BCR: variants seen among roughly 807,000 people sequenced by gnomAD.
BCR encodes the protein breakpoint cluster region protein.
In BCR, 58 loss-of-function variants were observed where a neutral mutation model predicts 138.6. The observed-to-expected ratio is 0.42, with a 90% confidence interval of 0.34 to 0.52. BCR has a LOEUF of 0.52. Ranked by LOEUF, BCR falls within the 20% of genes least tolerant of loss-of-function variation. BCR has a pLI of 0.06. For synonymous variants in BCR, 786 were observed against 730.1 expected (o/e 1.08, Z -1.23); for missense variants, 1,599 against 1,727.2 (o/e 0.93, Z 1.32).
At chr22:23,219,644 T>C (rs1161065408) in intron 1 of BCR, among the ~76,000 whole-genome samples, 1 of 152,152 alleles carries the variant, frequency 6.6e-6, no homozygotes, top group East Asian at 1.9e-4. Flanking sequence ...GCACTGGCGG[T>C]GCGGGAGCAC....
chr22:23,305,979 C>T (rs1294516072), intron 16 of BCR, among the ~76,000 whole-genome samples: 13 of 152,230 alleles, frequency 8.5e-5, no homozygotes, highest in African/African-American at 1.7e-4. Context: ...AATAACTGCA[C>T]GAGAGAGCGT....
intron 2 of BCR, among the ~76,000 whole-genome samples, chr22:23,255,647 C>T (rs1045882248): frequency 1.1e-4 from 17 of 152,230 alleles, no homozygotes; most frequent in Admixed American, 1.0e-3. Context: ...CTGATCTGCC[C>T]ACTCAGTGCC....
chr22:23,308,684 G>A (rs2073974634), intron 16 of BCR, among the ~76,000 whole-genome samples: 1 of 152,212 alleles, frequency 6.6e-6, no homozygotes, highest in Non-Finnish European at 1.5e-5. Flanking sequence ...AGGAACCGCT[G>A]ACATAGAACG....
rs778483170 is a variant in BCR at position 23,181,158 on chromosome 22, AAAG to A, written c.203_205del (p.Lys68del). ...ACCTGCAGACGTTGCTGGCCAAGGA[AAAG>A]AAGAGCTATGACCGGCAGCGATGGG... On this transcript the variant is annotated inframe_deletion, in exon 1 of 23. Transcript: ENST00000305877. 1.2e-5 allele frequency: 18 copies of A among 1,446,834 alleles called. No individual in the cohort carries two copies. In the African/African-American group the frequency reaches 1.6e-4, roughly 13 times the overall value. The allele number at this position is 1,446,834 out of a possible 1,614,324, so 89.6% of individuals were successfully genotyped here. A position where few individuals can be genotyped will look rare whatever the true frequency, so the allele number is the denominator to read the frequency against.
rs1223639727 is a variant in BCR, at chr22:23,197,242, C to CAATAA, written c.1279+15007_1279+15008insAAATA. 5.9e-5 allele frequency among the ~76,000 whole-genome samples: 9 copies of CAATAA among 152,270 alleles called. No individual in the cohort carries two copies. The East Asian group carries it at 1.7e-3, about 29-fold the overall frequency. Reference sequence around the variant, plus strand: ...GCTGCACAGGTTTGTAGCCTAGGAGCAATAGGCTGTGCCACGTAGCCTAGG... The same window carrying CAATAA: ...GCTGCACAGGTTTGTAGCCTAGGAGCAATAAAATAGGCTGTGCCACGTAGCCTAGG... On this transcript the variant is annotated intron_variant, in intron 1 of 22. Coordinates refer to ENST00000305877, the MANE Select transcript of BCR (RefSeq NM_004327.4).
chr22:23,306,857 G>A (rs989603397), intron 16 of BCR: 14 of 152,644 alleles, frequency 9.2e-5, no homozygotes, highest in Admixed American at 1.3e-4. Flanking sequence ...CGGGCGGGCC[G>A]GAGCCGGGCG....
At chr22:23,190,434 C>A (rs1166019164) in intron 1 of BCR, among the ~76,000 whole-genome samples, 1 of 152,170 alleles carries the variant, frequency 6.6e-6, no homozygotes, top group Admixed American at 6.5e-5. Flanking sequence ...TCCAAAAGTG[C>A]TGGGATTATA....
At chr22:23,263,291 G>A (rs975676159) in intron 4 of BCR, 22 of 1,146,132 alleles carry the variant, frequency 1.9e-5, no homozygotes, top group Non-Finnish European at 2.4e-5. Context: ...TGGCCCAGGT[G>A]TACCGCTGGC....
In BCR at chr22:23,305,289, A is replaced by G. The variant is rs189055521; in HGVS notation, c.3013-4135A>G. On this transcript the variant is annotated intron_variant, in intron 16 of 22. Transcript: ENST00000305877. ...GCAGACACATGGGGCCCAGACAGGAACAACTGGGGTTGCCCTGCTGGACCA... is the reference window on the plus strand; with the variant it reads ...GCAGACACATGGGGCCCAGACAGGAGCAACTGGGGTTGCCCTGCTGGACCA... Among the ~76,000 whole-genome samples the G allele has an allele frequency of 2.0e-5, 3 of 152,292 alleles. 1 individual carries two copies. Among genetic ancestry groups the G allele is most frequent in the Admixed American group, 2.0e-4 (3 of 15,300 alleles).
chr22:23,199,151 C>A, intron 1 of BCR: 15 of 344,424 alleles, frequency 4.4e-5, no homozygotes, highest in South Asian at 1.3e-4. Context: ...TTGGCCCTAA[C>A]AAATGCAGGT....
intron 1 of BCR, among the ~76,000 whole-genome samples, chr22:23,183,270 T>C (rs1181418725): frequency 3.3e-5 from 5 of 152,232 alleles, no homozygotes; most frequent in Admixed American, 1.3e-4. Flanking sequence ...GGGAATCTTT[T>C]GGAGTCCTGG....
chr22:23,299,305 G>A (rs113379805), intron 16 of BCR, among the ~76,000 whole-genome samples: 5 of 152,306 alleles, frequency 3.3e-5, no homozygotes, highest in African/African-American at 7.2e-5. Flanking sequence ...TAGGGGCTAC[G>A]TAAGTTTCTC....
At chr22:23,212,127 G>T (rs1051534809) in intron 1 of BCR, among the ~76,000 whole-genome samples, 1 of 152,146 alleles carries the variant, frequency 6.6e-6, no homozygotes, top group Non-Finnish European at 1.5e-5. Context: ...TCCTCTTTCC[G>T]TTGCTGGTTT....
chr22:23,215,989 G>C (rs1436940302), intron 1 of BCR, among the ~76,000 whole-genome samples: 1 of 152,146 alleles, frequency 6.6e-6, no homozygotes, highest in Non-Finnish European at 1.5e-5. Context: ...AGGAAATCTG[G>C]CTGAGCTGGT....
Position 23,289,548 on chromosome 22 carries a change from G to C in BCR, c.2634G>C (p.Glu878Asp). The change falls in exon 13 of 23, where the codon GAG becomes GAC. Residue 878 changes from glutamate to aspartate, a missense_variant. Around this residue, in one of 4 missense-constraint regions of BCR, gnomAD observed 590 missense variants for 762.4 expected, o/e 0.77. Transcript: ENST00000305877. ...GAAGCTTCTCCCTGACATCCGTGGAGCTGCAGATGCTGACCAACTCGTGTG... is the reference window on the plus strand; with the variant it reads ...GAAGCTTCTCCCTGACATCCGTGGACCTGCAGATGCTGACCAACTCGTGTG... Reference protein sequence around the residue: ...CFRSFSLTSVELQMLTNSCVK... With the variant: ...CFRSFSLTSVDLQMLTNSCVK... 1 of 1,614,250 alleles carries C rather than the reference G, an allele frequency of 6.2e-7. No individual in the cohort carries two copies. Among genetic ancestry groups the C allele is most frequent in the Non-Finnish European group, 8.5e-7 (1 of 1,180,032 alleles).
intron 4 of BCR, chr22:23,263,978 G>A: frequency 1.1e-6 from 1 of 888,846 alleles, no homozygotes; most frequent in Non-Finnish European, 1.9e-6. Flanking sequence ...TGACACACTT[G>A]GACAGAGACT....
intron 1 of BCR, among the ~76,000 whole-genome samples, chr22:23,240,267 T>C (rs2073073824): frequency 6.6e-6 from 1 of 152,196 alleles, no homozygotes; most frequent in Admixed American, 6.5e-5. Context: ...ACTGTACTTC[T>C]ATTCTTTTGT....
chr22:23,214,667 G>A (rs1446107107), intron 1 of BCR, among the ~76,000 whole-genome samples: 1 of 152,258 alleles, frequency 6.6e-6, no homozygotes, highest in Admixed American at 6.5e-5. Flanking sequence ...TTTAGGTGGA[G>A]TTGGCTAGGC....
In BCR at chr22:23,201,995, G is replaced by A. The variant is rs183948333; in HGVS notation, c.1279+19756G>A. ...TTTTTTATATAGTTAAGATGTTGCT[G>A]TGTAGTTGGGTGTCCGGCCTTAGTT... On this transcript the variant is annotated intron_variant, in intron 1 of 22. Coordinates refer to ENST00000305877, the MANE Select transcript of BCR (RefSeq NM_004327.4). Among the ~76,000 whole-genome samples, 11 of 152,332 alleles carry A rather than the reference G, an allele frequency of 7.2e-5. No individual in the cohort carries two copies. The East Asian group carries it at 1.7e-3, about 24-fold the overall frequency.
Sources: gnomAD v4.1 joint callset for allele counts (sites outside exome capture counted in the v4.1 genomes callset) on GRCh38, gnomAD v4.1.1 for gene constraint, gnomAD v4.1.1 regional missense constraint, MANE v1.5 for transcripts, NCBI Gene and HGNC (gene_info 2026-07-23, HGNC 2026-07-21) for gene names.